Variants in RTL9 observed in about 807,000 individuals in gnomAD.
RTL9 encodes retrotransposon Gag-like protein 9.
RTL9 carries 19 observed loss-of-function variants against 44.7 expected under a neutral mutation model. The ratio of observed to expected loss-of-function variants is 0.42; its 90% CI spans 0.30 to 0.62. The LOEUF (loss-of-function observed/expected upper bound fraction) is 0.62, where lower values mean the gene tolerates loss of function less well. Among genes scored for constraint, RTL9 ranks in the 20% least tolerant of loss-of-function variants. The pLI is 0.16. For synonymous variants in RTL9, 407 were observed against 398.9 expected, an observed-to-expected ratio of 1.02 and a Z score of -0.24; for missense variants, 1,105 against 1,080.6, an observed-to-expected ratio of 1.02 and a Z score of -0.32.
upstream of RTL9, among the ~76,000 whole-genome samples, chrX:110,445,977 T>C (rs983746308): frequency 2.7e-5 from 3 of 112,062 alleles, no homozygotes; most frequent in African/African-American, 9.7e-5. Context: ...CCTCTCTCAG[T>C]AGCCTCCTTA....
intron 1 of RTL9, among the ~76,000 whole-genome samples, chrX:110,444,143 C>T (rs866134584): frequency 8.9e-6 from 1 of 112,721 alleles, no homozygotes; most frequent in South Asian, 3.7e-4. Flanking sequence ...TTAATGGCAT[C>T]AGACACTTAT....
At chrX:110,455,618 G>A in exon 2 of RTL9, 1 of 214,956 alleles carries the variant, frequency 4.7e-6, no homozygotes, top group Non-Finnish European at 8.6e-6. Flanking sequence ...GAGAAGTCTA[G>A]GCAGGATAAA....
At chrX:110,418,257 T>G (rs1602989978), upstream of RTL9, among the ~76,000 whole-genome samples, 1 of 112,469 alleles carries the variant, frequency 8.9e-6, no homozygotes, top group South Asian at 3.7e-4. Context: ...GGTTCTTATT[T>G]TTTTAATTAA....
At chrX:110,446,119 T>C (rs1441642117), upstream of RTL9, among the ~76,000 whole-genome samples, 4 of 111,147 alleles carry the variant, frequency 3.6e-5, no homozygotes, top group East Asian at 8.5e-4. Context: ...ATATGAACTC[T>C]GAATGCCATT....
At chrX:110,405,119 T>C (rs1308201281) in intron 1 of RTL9, among the ~76,000 whole-genome samples, 2 of 94,589 alleles carry the variant, frequency 2.1e-5, no homozygotes, top group African/African-American at 7.8e-5. Context: ...AGTCAGAGCC[T>C]TTCATGGGGT....
chrX:110,414,600 G>A (rs1161736808), upstream of RTL9, among the ~76,000 whole-genome samples: 1 of 113,050 alleles, frequency 8.8e-6, no homozygotes, highest in East Asian at 2.8e-4. Flanking sequence ...ACTCACTAAC[G>A]TGACACAATT....
At chrX:110,440,671 A>G (rs2068873986) in intron 1 of RTL9, among the ~76,000 whole-genome samples, 1 of 112,541 alleles carries the variant, frequency 8.9e-6, no homozygotes, top group Admixed American at 9.3e-5. Flanking sequence ...ATTTCAAACA[A>G]AGGAACTGAT....
intron 1 of RTL9, among the ~76,000 whole-genome samples, chrX:110,411,560 C>T (rs1028667497): frequency 2.7e-5 from 3 of 111,649 alleles, no homozygotes; most frequent in Non-Finnish European, 3.8e-5. Context: ...TGCAAAGCAA[C>T]GAGAAACTGT....
chrX:110,450,500 C>T, upstream of RTL9: 1 of 617,496 alleles, frequency 1.6e-6, no homozygotes, highest in Non-Finnish European at 2.6e-6. Context: ...CCACCATGAA[C>T]AATTTGTCTG....
At chrX:110,443,075 A>T (rs890132468) in intron 1 of RTL9, among the ~76,000 whole-genome samples, 3 of 112,195 alleles carry the variant, frequency 2.7e-5, no homozygotes, top group Non-Finnish European at 5.6e-5. Flanking sequence ...AGGAGAGATT[A>T]CTGAACTTCA....
At chrX:110,382,326 G>GAAA (rs367625900) in intron 1 of RTL9, among the ~76,000 whole-genome samples, 2 of 105,461 alleles carry the variant, frequency 1.9e-5, no homozygotes, top group African/African-American at 6.9e-5. Context: ...AATTGTACAG[G>GAAA]AAAAAAAAAA....
intron 1 of RTL9, among the ~76,000 whole-genome samples, chrX:110,397,614 G>A (rs1316518322): frequency 9.0e-6 from 1 of 110,906 alleles, no homozygotes; most frequent in Non-Finnish European, 1.9e-5. Flanking sequence ...CACTGCTGGG[G>A]ACACCACATG....
chrX:110,360,094 T>A (rs1420726978), intron 1 of RTL9, among the ~76,000 whole-genome samples: 1 of 111,642 alleles, frequency 9.0e-6, no homozygotes, highest in Non-Finnish European at 1.9e-5. Context: ...TCAACAGCAC[T>A]GTCTCTGGGC....
chrX:110,413,656 T>C (rs1283216735), intron 1 of RTL9, among the ~76,000 whole-genome samples: 2 of 109,142 alleles, frequency 1.8e-5, no homozygotes, highest in Non-Finnish European at 3.8e-5. Context: ...AGCCTTACCA[T>C]GCTTCATCAT....
intron 1 of RTL9, among the ~76,000 whole-genome samples, chrX:110,386,340 T>C (rs1278787017): frequency 9.1e-6 from 1 of 109,922 alleles, no homozygotes; most frequent in Non-Finnish European, 1.9e-5. Context: ...ATTTTTATTA[T>C]ATTTATTTTA....
intron 1 of RTL9, among the ~76,000 whole-genome samples, chrX:110,420,860 C>T (rs1053353970): frequency 2.7e-5 from 3 of 111,228 alleles, no homozygotes; most frequent in Non-Finnish European, 3.8e-5. Flanking sequence ...GGCAGGTTTC[C>T]GATCCTCAGC....
intron 1 of RTL9, among the ~76,000 whole-genome samples, chrX:110,405,239 T>C (rs1384704512): frequency 2.7e-5 from 3 of 111,118 alleles, no homozygotes; most frequent in Non-Finnish European, 5.7e-5. Flanking sequence ...TTGTTATCCC[T>C]CAGGGAAGAA....
chrX:110,377,913 G>T (rs2068389160), intron 1 of RTL9, among the ~76,000 whole-genome samples: 2 of 105,140 alleles, frequency 1.9e-5, no homozygotes, highest in Non-Finnish European at 3.9e-5. Context: ...GGAGGCTGAG[G>T]CAGGAGAATG....
chrX:110,422,855 A>G (rs956563453), intron 1 of RTL9, among the ~76,000 whole-genome samples: 1 of 112,443 alleles, frequency 8.9e-6, no homozygotes, highest in African/African-American at 3.2e-5. Context: ...CGAACAGCCA[A>G]TCCAAACATT....
Sources: allele counts gnomAD v4.1 joint callset (sites outside exome capture counted in the v4.1 genomes callset), GRCh38; gene constraint gnomAD v4.1.1; transcripts MANE v1.5; gene names NCBI Gene and HGNC (gene_info 2026-07-23, HGNC 2026-07-21).